Variants in SRGAP3 observed in about 807,000 individuals in gnomAD.
SRGAP3 encodes SLIT-ROBO Rho GTPase-activating protein 3.
SRGAP3 carries 39 observed loss-of-function variants against 121.1 expected under a neutral mutation model. The ratio of observed to expected loss-of-function variants is 0.32; its 90% CI spans 0.25 to 0.42. The LOEUF (loss-of-function observed/expected upper bound fraction) is 0.42. Ranked by LOEUF, SRGAP3 falls within the 10% of genes least tolerant of loss-of-function variation. SRGAP3 has a pLI of 1.00. For synonymous variants in SRGAP3, 601 were observed against 570.0 expected, an observed-to-expected ratio of 1.05 and a Z score of -0.77; for missense variants, 1,213 against 1,470.6, an observed-to-expected ratio of 0.82 and a Z score of 2.86.
rs115789019 is a variant in SRGAP3 at position 8,986,354 on chromosome 3, A to G, written c.2887-422T>C. On this transcript the variant is annotated intron_variant, in intron 21 of 21. Transcript: ENST00000383836. ...ATTAAATGATACAGTCCCTGTGAAG[A>G]GCCTGGCCTGACCCCTGGCACAGAG... 8.1e-3 allele frequency among the ~76,000 whole-genome samples: 1,230 copies of G among 152,336 alleles called. 9 individuals are homozygous for G. The highest frequency in any genetic ancestry group is 0.028 in the African/African-American group (1,183 of 41,570).
At chr3:9,129,353 ATATTT>A (rs1949355406) in intron 1 of SRGAP3, among the ~76,000 whole-genome samples, 1 of 152,056 alleles carries the variant, frequency 6.6e-6, no homozygotes, top group Non-Finnish European at 1.5e-5. Flanking sequence ...TTAGAATAAA[ATATTT>A]TATTTTATTT....
intron 3 of SRGAP3, among the ~76,000 whole-genome samples, chr3:9,317,469 A>G (rs749489875): frequency 6.6e-5 from 10 of 152,164 alleles, no homozygotes; most frequent in Admixed American, 5.2e-4. Flanking sequence ...TAGATCCTCA[A>G]TGAAACTGGG....
rs1020656065 is a variant in SRGAP3, at chr3:8,985,372, G to A, written c.*147C>T. On this transcript the variant is annotated 3_prime_UTR_variant, in exon 22 of 22. Transcript: ENST00000383836. This position sits in a 1 kb window ranked among gnomAD's most constrained non-coding sequence, Gnocchi z 5.1. Reference sequence around the variant, plus strand: ...TGGACGTGAGCTGCAGCCAGCGCCCGGGCCTCAGCTCTGCACAGACACACC... The same window carrying A: ...TGGACGTGAGCTGCAGCCAGCGCCCAGGCCTCAGCTCTGCACAGACACACC... The A allele has an allele frequency of 2.0e-5, 28 of 1,423,386 alleles. No homozygotes were observed. The highest frequency in any genetic ancestry group is 2.9e-5 in the South Asian group (2 of 68,850). 88.2% of individuals were successfully genotyped at this position (1,423,386 alleles called of 1,614,324 possible).
intron 10 of SRGAP3, among the ~76,000 whole-genome samples, chr3:9,044,479 C>T (rs1320746070): frequency 6.6e-6 from 1 of 152,190 alleles, no homozygotes; most frequent in Admixed American, 6.5e-5. Context: ...TCATGCTACT[C>T]AGAACAGCGA....
At chr3:9,304,223 A>C (rs1435877226) in intron 3 of SRGAP3, among the ~76,000 whole-genome samples, 1 of 152,170 alleles carries the variant, frequency 6.6e-6, no homozygotes, top group African/African-American at 2.4e-5. Flanking sequence ...CACCCAGCAG[A>C]GAGCCTGGCA....
At chr3:9,322,285 G>C (rs569228616) in intron 3 of SRGAP3, among the ~76,000 whole-genome samples, 43 of 151,950 alleles carry the variant, frequency 2.8e-4, no homozygotes, top group African/African-American at 9.6e-4. Context: ...TTGGGTACGT[G>C]AGATGGATTT....
chr3:9,005,670 T>C (rs1574889177), intron 18 of SRGAP3, among the ~76,000 whole-genome samples: 1 of 152,334 alleles, frequency 6.6e-6, no homozygotes, highest in East Asian at 1.9e-4. Flanking sequence ...CCACATGTTA[T>C]ATAATTCCAT....
chr3:9,348,898 G>C, intron 1 of SRGAP3: 1 of 1,052,214 alleles, frequency 9.5e-7, no homozygotes, highest in Non-Finnish European at 1.5e-6. Flanking sequence ...CCTCCTGTGA[G>C]AGTCTGAAGG....
At chr3:9,168,201 A>G (rs1950860081) in intron 1 of SRGAP3, among the ~76,000 whole-genome samples, 1 of 152,202 alleles carries the variant, frequency 6.6e-6, no homozygotes, top group Non-Finnish European at 1.5e-5. Flanking sequence ...GACTTAGCCC[A>G]ATAGCCCATC....
intron 1 of SRGAP3, among the ~76,000 whole-genome samples, chr3:9,174,749 AG>A (rs1189862065): frequency 6.6e-6 from 1 of 152,204 alleles, no homozygotes; most frequent in East Asian, 1.9e-4. Context: ...CTTCTCCTCC[AG>A]GGGGACTCCC....
chr3:9,042,442 A>C (rs1945064688), intron 10 of SRGAP3, among the ~76,000 whole-genome samples: 1 of 151,546 alleles, frequency 6.6e-6, no homozygotes, highest in Admixed American at 6.6e-5. Context: ...TTTACAGAAA[A>C]AAAAAAAAAA....
At chr3:9,280,798 T>C (rs999594533) in intron 3 of SRGAP3, among the ~76,000 whole-genome samples, 18 of 152,222 alleles carry the variant, frequency 1.2e-4, no homozygotes, top group Non-Finnish European at 2.1e-4. Flanking sequence ...AAAAATAAGC[T>C]AACTCTTTTT....
chr3:9,168,390 G>A (rs928079147), intron 1 of SRGAP3, among the ~76,000 whole-genome samples: 4 of 152,182 alleles, frequency 2.6e-5, no homozygotes, highest in Admixed American at 6.5e-5. Flanking sequence ...ACCCCACCCC[G>A]CTCAGGACTG....
intron 1 of SRGAP3, among the ~76,000 whole-genome samples, chr3:9,247,105 C>T (rs374900021): frequency 3.9e-5 from 6 of 152,202 alleles, no homozygotes; most frequent in African/African-American, 9.6e-5. Flanking sequence ...CAAAACTCAA[C>T]ATCCCCTTCT....
At chr3:9,245,458 AC>A in intron 1 of SRGAP3, among the ~76,000 whole-genome samples, 2 of 152,326 alleles carry the variant, frequency 1.3e-5, no homozygotes, top group Non-Finnish European at 2.9e-5. Flanking sequence ...GTGGTAGCGA[AC>A]CATCCTATTA....
intron 3 of SRGAP3, among the ~76,000 whole-genome samples, chr3:9,102,668 G>T (rs550413124): frequency 1.3e-5 from 2 of 152,248 alleles, no homozygotes; most frequent in Non-Finnish European, 2.9e-5. Context: ...CTGTGGGCTG[G>T]GTTGTTTCCT....
chr3:8,992,921 C>T lies in SRGAP3; in HGVS notation c.2543G>A (p.Gly848Glu), dbSNP rs150617309. The T allele has an allele frequency of 3.7e-4, 592 of 1,614,236 alleles. 2 individuals carry two copies. Among genetic ancestry groups the T allele is most frequent in the South Asian group, 2.4e-3 (217 of 91,086 alleles). The change falls in exon 20 of 22, where the codon GGG becomes GAG. Residue 848 changes from glycine to glutamate, a missense_variant. By Grantham distance (98) the Gly-to-Glu change is moderately conservative (BLOSUM62 -2). Transcript: ENST00000383836. ...PTEHISDYGF[G>E]GVMGRVRLRS... ...CATATCCTACCGGCCCATCACCCCC[C>T]CAAAGCCGTAATCCGAGATGTGCTC...
At chr3:9,070,693 T>C (rs1946663540) in intron 4 of SRGAP3, among the ~76,000 whole-genome samples, 2 of 151,892 alleles carry the variant, frequency 1.3e-5, no homozygotes, top group Admixed American at 1.3e-4. Flanking sequence ...GAGGGTAAAA[T>C]GAGGGAGGTA....
chr3:9,121,975 C>T (rs1441321947), intron 2 of SRGAP3, among the ~76,000 whole-genome samples: 1 of 152,124 alleles, frequency 6.6e-6, no homozygotes, highest in Non-Finnish European at 1.5e-5. Context: ...GCACCTAGGC[C>T]CTTTCTTATC....
Sources: allele counts gnomAD v4.1 joint callset (sites outside exome capture counted in the v4.1 genomes callset), GRCh38; gene constraint gnomAD v4.1.1; non-coding constraint Gnocchi (gnomAD v3.1); transcripts MANE v1.5; gene names NCBI Gene and HGNC (gene_info 2026-07-23, HGNC 2026-07-21).